ZDHHC14: variants seen among roughly 807,000 people sequenced by gnomAD.
ZDHHC14 encodes palmitoyltransferase ZDHHC14.
ZDHHC14 carries 16 observed loss-of-function variants against 47.7 expected under a neutral mutation model. The ratio of observed to expected loss-of-function variants is 0.34; its 90% confidence interval spans 0.23 to 0.51. ZDHHC14 has a LOEUF of 0.51. Among genes scored for constraint, ZDHHC14 ranks in the 20% least tolerant of loss-of-function variants. The probability of loss-of-function intolerance (pLI) is 0.97; values close to 1 mark genes in which losing one functional copy is unlikely to be tolerated. For synonymous variants in ZDHHC14, 293 were observed against 278.9 expected, an observed-to-expected ratio of 1.05 and a Z score of -0.50; for missense variants, 515 against 662.5, an observed-to-expected ratio of 0.78 and a Z score of 2.44.
At chr6:157,389,826 G>C (rs760349677) in intron 1 of ZDHHC14, among the ~76,000 whole-genome samples, 2 of 151,848 alleles carry the variant, frequency 1.3e-5, no homozygotes, top group Non-Finnish European at 2.9e-5. Context: ...TATAAAGCCA[G>C]TAATGTTATT....
Position 157,593,106 on chromosome 6 carries a change from C to G in ZDHHC14, c.525C>G (p.Pro175=). The G allele has an allele frequency of 6.2e-7, 1 of 1,614,090 alleles. No individual in the cohort carries two copies. Among genetic ancestry groups the G allele is most frequent in the Non-Finnish European group, 8.5e-7 (1 of 1,179,960 alleles). ...GTTTCACCTGCAAGATTTTCCGGCCCCCTCGCGCCTCCCATTGCAGCCTTT... is the reference window on the plus strand; with the variant it reads ...GTTTCACCTGCAAGATTTTCCGGCCGCCTCGCGCCTCCCATTGCAGCCTTT... The part of the protein sequence containing the change: ...KYCFTCKIFR[P]PRASHCSLCD... Residue 175 remains proline (P), a synonymous_variant, in exon 3 of 9, where the codon CCC becomes CCG. Transcript: ENST00000359775.
chr6:157,555,322 G>T (rs1782414895), intron 2 of ZDHHC14, among the ~76,000 whole-genome samples: 1 of 152,182 alleles, frequency 6.6e-6, no homozygotes, highest in African/African-American at 2.4e-5. Context: ...CGTAATCAGG[G>T]CTGATGAGGC....
At chr6:157,513,719 C>A (rs556032955) in intron 1 of ZDHHC14, among the ~76,000 whole-genome samples, 1 of 152,222 alleles carries the variant, frequency 6.6e-6, no homozygotes, top group South Asian at 2.1e-4. Flanking sequence ...ATGATTGTCA[C>A]CGCTTTTATT....
intron 1 of ZDHHC14, among the ~76,000 whole-genome samples, chr6:157,496,830 C>T (rs191657728): frequency 1.3e-5 from 2 of 152,254 alleles, no homozygotes; most frequent in African/African-American, 4.8e-5. Flanking sequence ...GAATCCAATA[C>T]ACACGCCGAC....
intron 1 of ZDHHC14, among the ~76,000 whole-genome samples, chr6:157,431,966 C>T (rs1196120913): frequency 3.9e-5 from 6 of 152,204 alleles, no homozygotes; most frequent in East Asian, 1.9e-4. Context: ...TGGGCTCAAA[C>T]GATCCACCTG....
intron 1 of ZDHHC14, among the ~76,000 whole-genome samples, chr6:157,498,909 G>C (rs1031846565): frequency 6.6e-6 from 1 of 152,152 alleles, no homozygotes; most frequent in East Asian, 1.9e-4. Flanking sequence ...TTGTTATGCT[G>C]GAACAGCTGA....
intron 1 of ZDHHC14, among the ~76,000 whole-genome samples, chr6:157,516,572 G>A (rs1399728417): frequency 2.0e-5 from 3 of 152,208 alleles, no homozygotes; most frequent in Non-Finnish European, 4.4e-5. Context: ...GTCTTCATGA[G>A]GGACTGGAGC....
At chr6:157,388,760 T>C (rs141934501) in intron 1 of ZDHHC14, among the ~76,000 whole-genome samples, 2,188 of 152,318 alleles carry the variant, frequency 0.014, 51 homozygotes, top group African/African-American at 0.05. Flanking sequence ...GAAGATGATA[T>C]GTAACATTTG....
rs568922619 is a variant in ZDHHC14 at position 157,586,565 on chromosome 6, T to C, written c.407-6423T>C. Among the ~76,000 whole-genome samples, 2 of 152,310 alleles carry C rather than the reference T, an allele frequency of 1.3e-5. 1 individual carries two copies. The highest frequency in any genetic ancestry group is 4.1e-4 in the South Asian group (2 of 4,826). On this transcript the variant is annotated intron_variant, in intron 2 of 8. Transcript: ENST00000359775. The surrounding 1 kb of genome is among the most constrained non-coding windows in gnomAD (Gnocchi z 4.6). The stretch of plus-strand genomic sequence containing the variant: ...TTGATGGGACTTGCATTTAGAAAGC[T>C]GACTCTTTAAGGGCCAGGAGAACAG...
intron 2 of ZDHHC14, among the ~76,000 whole-genome samples, chr6:157,590,939 T>G (rs971742621): frequency 6.6e-6 from 1 of 152,256 alleles, no homozygotes; most frequent in Non-Finnish European, 1.5e-5. Flanking sequence ...ATGTGAGACA[T>G]GGAGTCAAAG....
At chr6:157,489,573 A>G (rs1162271616) in intron 1 of ZDHHC14, among the ~76,000 whole-genome samples, 1 of 151,866 alleles carries the variant, frequency 6.6e-6, no homozygotes, top group Non-Finnish European at 1.5e-5. Flanking sequence ...TCTGAATTGG[A>G]GGGTGGTGGT....
intron 1 of ZDHHC14, among the ~76,000 whole-genome samples, chr6:157,417,012 T>C (rs914264991): frequency 1.1e-4 from 15 of 138,096 alleles, no homozygotes; most frequent in African/African-American, 4.1e-4. Context: ...GTATTTTTAG[T>C]AGAGACAGGG....
At chr6:157,399,142 A>G (rs1057003548) in intron 1 of ZDHHC14, among the ~76,000 whole-genome samples, 1 of 152,054 alleles carries the variant, frequency 6.6e-6, no homozygotes, top group Non-Finnish European at 1.5e-5. Context: ...TCTCATTTCC[A>G]TTTCTTTCAG....
intron 1 of ZDHHC14, among the ~76,000 whole-genome samples, chr6:157,503,300 A>G (rs895231683): frequency 9.2e-5 from 14 of 152,218 alleles, no homozygotes; most frequent in Non-Finnish European, 1.8e-4. Flanking sequence ...CCAGTGTCAG[A>G]CACATCCTGG....
At chr6:157,618,147 C>T (rs367763434) in intron 3 of ZDHHC14, among the ~76,000 whole-genome samples, 4 of 152,130 alleles carry the variant, frequency 2.6e-5, no homozygotes, top group Admixed American at 6.5e-5. Flanking sequence ...CCAAAGATGG[C>T]GTAAGGTCAA....
intron 1 of ZDHHC14, among the ~76,000 whole-genome samples, chr6:157,389,589 A>G (rs895883450): frequency 6.6e-6 from 1 of 152,112 alleles, no homozygotes; most frequent in Admixed American, 6.5e-5. Context: ...GATGAATTGC[A>G]TATTTTTAGT....
intron 2 of ZDHHC14, among the ~76,000 whole-genome samples, chr6:157,589,557 A>T (rs989147512): frequency 2.0e-5 from 3 of 152,008 alleles, no homozygotes; most frequent in African/African-American, 7.2e-5. Flanking sequence ...TTCTCATGAG[A>T]TATTTGCTTG....
At chr6:157,479,980 T>A (rs1779583600) in intron 1 of ZDHHC14, among the ~76,000 whole-genome samples, 1 of 152,152 alleles carries the variant, frequency 6.6e-6, no homozygotes, top group Admixed American at 6.5e-5. Flanking sequence ...GCTGCCAGGA[T>A]CCTCGAGGGG....
chr6:157,461,817 C>A (rs911134266), intron 1 of ZDHHC14, among the ~76,000 whole-genome samples: 8 of 152,300 alleles, frequency 5.3e-5, no homozygotes, highest in Admixed American at 3.9e-4. Context: ...GGGTGCACTG[C>A]CACAGTCACG....
Sources: gnomAD v4.1 joint callset for allele counts (sites outside exome capture counted in the v4.1 genomes callset) on GRCh38, gnomAD v4.1.1 for gene constraint, Gnocchi (gnomAD v3.1) non-coding constraint, MANE v1.5 for transcripts, NCBI Gene and HGNC (gene_info 2026-07-23, HGNC 2026-07-21) for gene names.